ATL1: variants seen among roughly 807,000 people sequenced by gnomAD.
ATL1 encodes atlastin-1.
A neutral mutation model predicts 75.5 loss-of-function variants in ATL1; 31 were observed. That is an observed-to-expected ratio of 0.41 (90% CI 0.31 to 0.55). ATL1 has a LOEUF of 0.55. Among genes scored for constraint, ATL1 ranks in the 20% least tolerant of loss-of-function variants. The pLI, the probability that ATL1 is intolerant of heterozygous loss-of-function variation, is 0.27. For synonymous variants in ATL1, 226 were observed against 233.3 expected, an observed-to-expected ratio of 0.97 and a Z score of 0.28; for missense variants, 405 against 662.6, an observed-to-expected ratio of 0.61 and a Z score of 4.27.
chr14:50,580,158 A>G (rs1035619026), intron 1 of ATL1, among the ~76,000 whole-genome samples: 3 of 152,196 alleles, frequency 2.0e-5, no homozygotes, highest in Non-Finnish European at 4.4e-5. Context: ...AGTTGAATGT[A>G]TCACGGTTAT....
chr14:50,587,921 A>C lies in ATL1; in HGVS notation c.125A>C (p.Asp42Ala). The C allele has an allele frequency of 6.2e-7, 1 of 1,614,158 alleles. No homozygotes were observed. Among genetic ancestry groups the C allele is most frequent in the South Asian group, 1.1e-5 (1 of 91,080 alleles). ...CCAGTCCAAGTCCTCATTGTCAAAG[A>C]TGACCATTCCTTTGAGTTAGATGAA... ...AGPVQVLIVK[D>A]DHSFELDETA... The change falls in exon 2 of 14, where the codon GAT becomes GCT. Residue 42 changes from aspartate (D) to alanine (A), a missense_variant. Asp to Ala is a moderately radical substitution (Grantham distance 126). Around this residue, in one of 5 missense-constraint regions of ATL1, gnomAD observed 126 missense variants for 172.0 expected, o/e 0.73. Coordinates refer to ENST00000358385, the MANE Select transcript of ATL1 (RefSeq NM_015915.5).
chr14:50,587,944 GAAACTGC>G lies in ATL1; in HGVS notation c.150_156del (p.Glu50AspfsTer2), dbSNP rs755879849. ...AGATGACCATTCCTTTGAGTTAGAT[GAAACTGC>G]ATTAAATCGGATCCTTCTCTCGGAG... On this transcript the variant is annotated frameshift_variant, in exon 2 of 14. Coordinates refer to ENST00000358385, the MANE Select transcript of ATL1 (RefSeq NM_015915.5). LOFTEE classifies it high-confidence loss of function. 6.2e-7 allele frequency: 1 copy of G among 1,614,152 alleles called. No individual in the cohort carries two copies. The highest frequency in any genetic ancestry group is 8.5e-7 in the Non-Finnish European group (1 of 1,180,020).
At chr14:50,590,595 T>C (rs1247219533) in intron 2 of ATL1, among the ~76,000 whole-genome samples, 1 of 152,216 alleles carries the variant, frequency 6.6e-6, no homozygotes, top group African/African-American at 2.4e-5. Context: ...GTTATTTATT[T>C]TCTATGCTAC....
chr14:50,581,806 C>T (rs1440934357), intron 1 of ATL1, among the ~76,000 whole-genome samples: 1 of 152,056 alleles, frequency 6.6e-6, no homozygotes, highest in Non-Finnish European at 1.5e-5. Context: ...TACTAGATGT[C>T]AGATAGGTAA....
At chr14:50,552,487 A>G (rs368979470) in intron 1 of ATL1, among the ~76,000 whole-genome samples, 1 of 152,172 alleles carries the variant, frequency 6.6e-6, no homozygotes, top group Non-Finnish European at 1.5e-5. Flanking sequence ...AAATACCATC[A>G]TCATTCTTCA....
chr14:50,632,253 G>A lies in ATL1; in HGVS notation c.1591G>A (p.Ala531Thr), dbSNP rs1207305110. Reference sequence around the variant, plus strand: ...GGCTTTGTACAAGCTTTACAGTGCAGCAGCAACCCACAGACATCTGTATCA... The same window carrying A: ...GGCTTTGTACAAGCTTTACAGTGCAACAGCAACCCACAGACATCTGTATCA... ...NEALYKLYSA[A>T]ATHRHLYHQA... The change falls in exon 14 of 14, where the codon GCA becomes ACA. Residue 531 changes from alanine (A) to threonine (T), a missense_variant. By Grantham distance (58) the Ala-to-Thr change is moderately conservative. Coordinates refer to ENST00000358385, the MANE Select transcript of ATL1 (RefSeq NM_015915.5). The A allele has an allele frequency of 6.2e-7, 1 of 1,613,222 alleles. No individual in the cohort carries two copies. Among genetic ancestry groups the A allele is most frequent in the South Asian group, 1.1e-5 (1 of 91,058 alleles).
Position 50,560,299 on chromosome 14 carries a change from G to A in ATL1, c.34G>A (p.Gly12Ser). The change falls in exon 1 of 14, where the codon GGT becomes AGT. Residue 12 changes from glycine to serine, a missense_variant and splice_region_variant. Transcript: ENST00000358385. ...GAACCGCAGGGACAGAAACAGTTGGGGTGAGTAGCAAATGAGAACTTCTGC... is the reference window on the plus strand; with the variant it reads ...GAACCGCAGGGACAGAAACAGTTGGAGTGAGTAGCAAATGAGAACTTCTGC... ...AKNRRDRNSW[G>S]GFSEKTYEWS... is the part of the protein sequence containing the mutation. 1 of 1,613,922 alleles carries A rather than the reference G, an allele frequency of 6.2e-7. No individual in the cohort carries two copies. The highest frequency in any genetic ancestry group is 1.1e-5 in the South Asian group (1 of 91,046).
intron 11 of ATL1, among the ~76,000 whole-genome samples, chr14:50,625,274 T>C (rs1375263415): frequency 6.6e-6 from 1 of 152,152 alleles, no homozygotes; most frequent in Admixed American, 6.5e-5. Flanking sequence ...TTGGTAAAGA[T>C]GCAGAAGAAA....
chr14:50,630,376 A>G (rs1200076463), intron 13 of ATL1, among the ~76,000 whole-genome samples: 2 of 152,242 alleles, frequency 1.3e-5, no homozygotes, highest in East Asian at 3.8e-4. Flanking sequence ...GAGGGTATTT[A>G]TTTAAATGTA....
chr14:50,592,932 AT>A (rs1363378797), intron 4 of ATL1, among the ~76,000 whole-genome samples: 34 of 122,970 alleles, frequency 2.8e-4, no homozygotes, highest in African/African-American at 1.0e-3. Context: ...AAAAAAAAAT[AT>A]ATATATATAT....
intron 6 of ATL1, among the ~76,000 whole-genome samples, chr14:50,612,142 A>G (rs1479422777): frequency 6.6e-6 from 1 of 152,174 alleles, no homozygotes; most frequent in Non-Finnish European, 1.5e-5. Flanking sequence ...CAGAAGCTAG[A>G]CCAAAAGAAT....
At chr14:50,577,406 C>A (rs1435063051) in intron 1 of ATL1, among the ~76,000 whole-genome samples, 1 of 152,148 alleles carries the variant, frequency 6.6e-6, no homozygotes, top group Non-Finnish European at 1.5e-5. Context: ...ACAGTCTCTG[C>A]TCTCTAAATA....
At chr14:50,603,073 A>G (rs2039285758) in intron 6 of ATL1, among the ~76,000 whole-genome samples, 1 of 152,198 alleles carries the variant, frequency 6.6e-6, no homozygotes. Flanking sequence ...GTGTACAGAT[A>G]GTTAGTAGAT....
At chr14:50,628,901 A>G (rs2039549713) in intron 12 of ATL1, among the ~76,000 whole-genome samples, 1 of 152,096 alleles carries the variant, frequency 6.6e-6, no homozygotes, top group Non-Finnish European at 1.5e-5. Flanking sequence ...TATTTTTTGT[A>G]GAAACGGGGT....
At chr14:50,579,735 A>G (rs1165677394) in intron 1 of ATL1, among the ~76,000 whole-genome samples, 1 of 152,158 alleles carries the variant, frequency 6.6e-6, no homozygotes, top group Non-Finnish European at 1.5e-5. Context: ...GCCAGCTCCT[A>G]CTAGTTCATG....
chr14:50,587,828 CA>C lies in ATL1; in HGVS notation c.35-2del. 1 of 1,614,170 alleles carries C rather than the reference CA, an allele frequency of 6.2e-7. No individual in the cohort carries two copies. The highest frequency in any genetic ancestry group is 8.5e-7 in the Non-Finnish European group (1 of 1,180,028). ...CTGAACCAGTCACTGCTCTGTTCAACAGGTGGATTTTCGGAAAAGACATATG... is the reference window on the plus strand; with the variant it reads ...CTGAACCAGTCACTGCTCTGTTCAACGGTGGATTTTCGGAAAAGACATATG... On this transcript the variant is annotated splice_acceptor_variant, in intron 1 of 13. Transcript: ENST00000358385. LOFTEE classifies it high-confidence loss of function.
chr14:50,547,790 T>A (rs2038652714), intron 1 of ATL1, among the ~76,000 whole-genome samples: 2 of 152,202 alleles, frequency 1.3e-5, no homozygotes, highest in Non-Finnish European at 2.9e-5. Context: ...TATGATTGAC[T>A]TGGATTATGC....
chr14:50,574,600 A>G (rs981831812), intron 1 of ATL1, among the ~76,000 whole-genome samples: 1 of 152,182 alleles, frequency 6.6e-6, no homozygotes, highest in African/African-American at 2.4e-5. Flanking sequence ...CAGTGACTAC[A>G]AAGGCATATG....
intron 1 of ATL1, among the ~76,000 whole-genome samples, chr14:50,539,154 C>T (rs1237349916): frequency 6.6e-6 from 1 of 152,196 alleles, no homozygotes; most frequent in East Asian, 1.9e-4. Flanking sequence ...GTATAAACTA[C>T]TTGCCAAGGA....
Sources: allele counts gnomAD v4.1 joint callset (sites outside exome capture counted in the v4.1 genomes callset), GRCh38; gene constraint gnomAD v4.1.1; regional missense constraint gnomAD v4.1.1; transcripts MANE v1.5; gene names NCBI Gene and HGNC (gene_info 2026-07-23, HGNC 2026-07-21).